Variants in C7 observed in about 807,000 individuals in gnomAD.
C7 encodes complement C7.
C7 carries 83 observed loss-of-function variants against 104.8 expected under a neutral mutation model. The ratio of observed to expected loss-of-function variants is 0.79; its 90% CI spans 0.66 to 0.95. The LOEUF is 0.95. Ranked by LOEUF, C7 falls within the 40% of genes least tolerant of loss-of-function variation. C7 has a pLI of 0.00. For synonymous variants in C7, 415 were observed against 360.6 expected (o/e 1.15, Z -1.71); for missense variants, 1,070 against 1,011.2 (o/e 1.06, Z -0.79).
chr5:40,955,620 G>A (rs1182646540), intron 10 of C7, 67 bp downstream of exon 10: 4 of 1,456,544 alleles, frequency 2.7e-6, no homozygotes, highest in Non-Finnish European at 3.8e-6. Context: ...AAACGAAGGT[G>A]GTTAAATCAA....
chr5:40,951,515 T>C (rs539076175), intron 9 of C7, among the ~76,000 whole-genome samples: 10 of 152,144 alleles, frequency 6.6e-5, no homozygotes, highest in Non-Finnish European at 1.5e-4. Flanking sequence ...ATTGGGTACT[T>C]ACTCTCACTA....
intron 4 of C7, among the ~76,000 whole-genome samples, chr5:40,935,195 C>G (rs778303540): frequency 2.0e-5 from 3 of 152,134 alleles, no homozygotes; most frequent in African/African-American, 7.2e-5. Context: ...GCCCTAAATC[C>G]CCAACTGATA....
At chr5:40,955,604 T>G (rs964396290) in intron 10 of C7, 51 bp downstream of exon 10, 15 of 1,545,862 alleles carry the variant, frequency 9.7e-6, no homozygotes, top group Middle Eastern at 3.4e-4. Flanking sequence ...TTTATTTGCA[T>G]GAGGAAAACG....
chr5:40,978,162 A>G (rs928542432), intron 16 of C7, among the ~76,000 whole-genome samples: 5 of 139,784 alleles, frequency 3.6e-5, no homozygotes, highest in African/African-American at 1.3e-4. Flanking sequence ...AAAAAAAAAG[A>G]ACCAAAACAC....
intron 1 of C7, among the ~76,000 whole-genome samples, chr5:40,913,339 C>T (rs564918988): frequency 2.6e-5 from 4 of 152,052 alleles, no homozygotes; most frequent in South Asian, 4.2e-4. Context: ...TTGATGGATC[C>T]GATGGTAGTT....
chr5:40,957,792 G>A (rs535731453), intron 10 of C7, among the ~76,000 whole-genome samples: 15 of 147,712 alleles, frequency 1.0e-4, no homozygotes, highest in South Asian at 4.2e-4. Context: ...TAAATCTTAC[G>A]CATGCACAGA....
chr5:40,931,046 A>G lies in C7; in HGVS notation c.63-18A>G, dbSNP rs1235531982. ...TCTTTCCACCTGCTTTATGATGGAC[A>G]ATTTGACACTGTGGCAGTGCCTCCT... On this transcript the variant is annotated intron_variant, in intron 2 of 17. Coordinates refer to ENST00000313164, the MANE Select transcript of C7 (RefSeq NM_000587.4). 4 of 1,585,992 alleles carry G rather than the reference A, an allele frequency of 2.5e-6. No homozygotes were observed. The African/African-American group carries it at 5.4e-5, about 21-fold the overall frequency.
chr5:40,920,150 T>A (rs2111620618), intron 1 of C7, among the ~76,000 whole-genome samples: 1 of 152,258 alleles, frequency 6.6e-6, no homozygotes, highest in South Asian at 2.1e-4. Context: ...GGGACTATCA[T>A]CAACAATTAT....
At chr5:40,937,400 C>A in intron 5 of C7, 152 bp from the exon 6 acceptor site, 1 of 631,508 alleles carries the variant, frequency 1.6e-6, no homozygotes, top group Non-Finnish European at 2.6e-6. Context: ...GGATGCTGTG[C>A]TCTTCATTTG....
At chr5:40,919,201 A>T (rs948872728) in intron 1 of C7, among the ~76,000 whole-genome samples, 1 of 150,612 alleles carries the variant, frequency 6.6e-6, no homozygotes, top group Non-Finnish European at 1.5e-5. Flanking sequence ...TCAGCTCACT[A>T]CAACCTCCAC....
Position 40,945,349 on chromosome 5 carries a change from A to G in C7, c.719A>G (p.Asn240Ser), listed in dbSNP as rs761491387. Residue 240 changes from asparagine to serine, a missense_variant, in exon 7 of 18, where the codon AAT becomes AGT. Asn to Ser is a conservative substitution (Grantham distance 46). Transcript: ENST00000313164. ...SSSRSYTSHTNEIHKGKSYQL... is the reference protein window; with the variant it reads ...SSSRSYTSHTSEIHKGKSYQL... ...TCACGCAGTTATACTTCACATACCA[A>G]TGAAATCCATAAAGGAAAGGTTAGT... 33 of 1,593,230 alleles carry G rather than the reference A, an allele frequency of 2.1e-5. No individual in the cohort carries two copies. Among genetic ancestry groups the G allele is most frequent in the Non-Finnish European group, 2.6e-5 (31 of 1,173,948 alleles).
intron 14 of C7, chr5:40,972,008 A>T (rs994068887): frequency 1.3e-5 from 6 of 449,248 alleles, no homozygotes; most frequent in Non-Finnish European, 2.7e-5. Flanking sequence ...ATAATTTCAG[A>T]CGGCAAAATA....
chr5:40,979,968 TA>T (rs1162309744), intron 17 of C7, 59 bp downstream of exon 17: 4 of 1,425,356 alleles, frequency 2.8e-6, no homozygotes, highest in Non-Finnish European at 2.8e-6. Flanking sequence ...ACTGAGGATT[TA>T]AAAAATGTGG....
intron 12 of C7, among the ~76,000 whole-genome samples, chr5:40,961,114 C>T (rs578151606): frequency 6.6e-6 from 1 of 152,262 alleles, no homozygotes; most frequent in South Asian, 2.1e-4. Flanking sequence ...TCTCTATTGC[C>T]TTGTGAGAGG....
At chr5:40,924,614 C>G (rs1158173782) in intron 1 of C7, among the ~76,000 whole-genome samples, 3 of 152,082 alleles carry the variant, frequency 2.0e-5, no homozygotes, top group Non-Finnish European at 2.9e-5. Flanking sequence ...TCCACCCCTA[C>G]AGCCAGCTTC....
chr5:40,929,730 TTA>T (rs1739638884), intron 2 of C7, among the ~76,000 whole-genome samples: 1 of 152,014 alleles, frequency 6.6e-6, no homozygotes, highest in Non-Finnish European at 1.5e-5. Context: ...TGTGAGCATT[TTA>T]TGAGAGTCAA....
Position 40,983,487 on chromosome 5 carries a change from A to C in C7, c.*1914A>C, listed in dbSNP as rs2111742541. Among the ~76,000 whole-genome samples the C allele has an allele frequency of 6.6e-6, 1 of 152,216 alleles. No homozygotes were observed. The stretch of plus-strand genomic sequence containing the variant: ...ATTTCAGCAGAGTTATTGAAGGAGA[A>C]GTCAAGGAGAGGAGAAGGAGAGGAG... On this transcript the variant is annotated 3_prime_UTR_variant, in exon 18 of 18. Transcript: ENST00000313164.
At chr5:40,980,841 C>A (rs984405239) in intron 17 of C7, among the ~76,000 whole-genome samples, 1 of 152,192 alleles carries the variant, frequency 6.6e-6, no homozygotes, top group Admixed American at 6.5e-5. Context: ...TAGGTGGTCA[C>A]CATTGTCTGC....
intron 14 of C7, among the ~76,000 whole-genome samples, chr5:40,966,687 T>C (rs1740562818): frequency 6.6e-6 from 1 of 152,008 alleles, no homozygotes; most frequent in Non-Finnish European, 1.5e-5. Flanking sequence ...CAATATTTGG[T>C]TTTTAATTCC....
Sources: allele counts gnomAD v4.1 joint callset (sites outside exome capture counted in the v4.1 genomes callset), GRCh38; gene constraint gnomAD v4.1.1; transcripts MANE v1.5; gene names NCBI Gene and HGNC (gene_info 2026-07-23, HGNC 2026-07-21).